The following SOCS2 variants were observed in gnomAD, a reference collection of about 807,000 sequenced individuals.
SOCS2 encodes suppressor of cytokine signaling 2.
A neutral mutation model predicts 18.6 loss-of-function variants in SOCS2; 10 were observed. The ratio of observed to expected loss-of-function variants is 0.54; its 90% CI spans 0.33 to 0.91. The LOEUF (loss-of-function observed/expected upper bound fraction) is 0.91. Ranked by LOEUF, SOCS2 falls within the 40% of genes least tolerant of loss-of-function variation. The pLI, the probability that SOCS2 is intolerant of heterozygous loss-of-function variation, is 0.02. For missense variants in SOCS2, 231 were observed against 247.2 expected, an observed-to-expected ratio of 0.93 and a Z score of 0.44; for synonymous variants, 104 against 104.0, an observed-to-expected ratio of 1.00 and a Z score of 0.00.
intron 1 of SOCS2, chr12:93,573,748 G>C (rs1279935577): frequency 6.6e-6 from 1 of 152,272 alleles, no homozygotes; most frequent in Non-Finnish European, 1.5e-5. Context: ...TAGCAACAGG[G>C]GGAGGGAGAG....
At chr12:93,614,484 C>CTTCCTTCCTTTCTTTCTTTCT in the SOCS2 span, among the ~76,000 whole-genome samples, 1 of 23,792 alleles carries the variant, frequency 4.2e-5, no homozygotes, top group African/African-American at 2.5e-4. Context: ...CCTTCCTTTC[C>CTTCCTTCCTTTCTTTCTTTCT]TTCCTTCCTT....
the SOCS2 span, among the ~76,000 whole-genome samples, chr12:93,608,614 T>G: frequency 6.6e-6 from 1 of 152,210 alleles, no homozygotes; most frequent in African/African-American, 2.4e-5. Context: ...TAGAACATGA[T>G]GTAAGCACTA....
At chr12:93,590,028 C>T in the SOCS2 span, among the ~76,000 whole-genome samples, 3 of 151,996 alleles carry the variant, frequency 2.0e-5, no homozygotes, top group Middle Eastern at 3.4e-3. Context: ...CCAAGGTGAG[C>T]GGATCATGAG....
chr12:93,604,034 T>G, the SOCS2 span, among the ~76,000 whole-genome samples: 1 of 152,304 alleles, frequency 6.6e-6, no homozygotes, highest in Non-Finnish European at 1.5e-5. Flanking sequence ...AACACCCACA[T>G]GGAGGCAACA....
the SOCS2 span, among the ~76,000 whole-genome samples, chr12:93,597,800 C>T: frequency 6.6e-6 from 1 of 152,126 alleles, no homozygotes; most frequent in Admixed American, 6.5e-5. Context: ...CTTTTTGACC[C>T]TACTGACCTC....
the SOCS2 span, among the ~76,000 whole-genome samples, chr12:93,609,150 G>A: frequency 3.3e-5 from 5 of 152,186 alleles, no homozygotes; most frequent in East Asian, 7.7e-4. Context: ...CCAGCACTTC[G>A]GGAGGCCGAG....
chr12:93,614,598 T>C, the SOCS2 span, among the ~76,000 whole-genome samples: 7 of 119,692 alleles, frequency 5.8e-5, no homozygotes, highest in African/African-American at 2.2e-4. Flanking sequence ...TTTCTTTCTT[T>C]CTTTCTTTCT....
At chr12:93,609,689 G>A in the SOCS2 span, among the ~76,000 whole-genome samples, 1 of 152,118 alleles carries the variant, frequency 6.6e-6, no homozygotes, top group Non-Finnish European at 1.5e-5. Context: ...AGTAAATATT[G>A]GTTTACTTAA....
chr12:93,580,397 G>A (rs1039196774), downstream of SOCS2, among the ~76,000 whole-genome samples: 4 of 152,020 alleles, frequency 2.6e-5, no homozygotes, highest in Admixed American at 1.3e-4. Context: ...CAAGGTGGAC[G>A]GATCACTTGA....
chr12:93,622,262 T>C, the SOCS2 span, among the ~76,000 whole-genome samples: 2 of 152,240 alleles, frequency 1.3e-5, no homozygotes, highest in Non-Finnish European at 2.9e-5. Flanking sequence ...GTGGGGATGA[T>C]GTCAGTGGTG....
the SOCS2 span, among the ~76,000 whole-genome samples, chr12:93,605,829 C>T: frequency 6.6e-6 from 1 of 152,220 alleles, no homozygotes; most frequent in African/African-American, 2.4e-5. Flanking sequence ...TTCATAACCT[C>T]CACCATCATC....
At chr12:93,581,257 G>A (rs898584444), downstream of SOCS2, among the ~76,000 whole-genome samples, 27 of 152,102 alleles carry the variant, frequency 1.8e-4, no homozygotes, top group Admixed American at 7.2e-4. Context: ...AAGACTCTCC[G>A]CCACCAGATA....
the SOCS2 span, among the ~76,000 whole-genome samples, chr12:93,605,268 C>T: frequency 6.6e-6 from 1 of 152,154 alleles, no homozygotes; most frequent in Admixed American, 6.5e-5. Context: ...GAGTGTTACA[C>T]ACACTATATA....
At chr12:93,576,935 C>T (rs1201014217), downstream of SOCS2, among the ~76,000 whole-genome samples, 1 of 152,224 alleles carries the variant, frequency 6.6e-6, no homozygotes, top group Non-Finnish European at 1.5e-5. Flanking sequence ...GGGCCATAAC[C>T]ATTTGATGAG....
chr12:93,601,460 C>T, the SOCS2 span, among the ~76,000 whole-genome samples: 130 of 151,868 alleles, frequency 8.6e-4, 1 homozygote, highest in African/African-American at 3.0e-3. Context: ...GACTGGGTTT[C>T]ATCATGTTGG....
downstream of SOCS2, among the ~76,000 whole-genome samples, chr12:93,584,613 A>G (rs1276835398): frequency 6.6e-6 from 1 of 152,184 alleles, no homozygotes; most frequent in African/African-American, 2.4e-5. Context: ...CATGTGGTTA[A>G]TACTAAGAGG....
chr12:93,592,917 CTTTTTTTTTTTT>C, the SOCS2 span, among the ~76,000 whole-genome samples: 1 of 107,388 alleles, frequency 9.3e-6, no homozygotes, highest in African/African-American at 3.6e-5. Context: ...ACTGAGAAAG[CTTTTTTTTTTTT>C]TTTTTTTTTG....
chr12:93,594,663 T>C, the SOCS2 span, among the ~76,000 whole-genome samples: 3 of 152,168 alleles, frequency 2.0e-5, no homozygotes, highest in African/African-American at 2.4e-5. Context: ...AATTTATTTA[T>C]TGTAGAGAAC....
the SOCS2 span, among the ~76,000 whole-genome samples, chr12:93,614,480 T>TTCCTTCCC: frequency 1.0e-3 from 27 of 26,144 alleles, 1 homozygote; most frequent in Admixed American, 3.5e-3. Context: ...CCTTCCTTCC[T>TTCCTTCCC]TTCCTTCCTT....
Sources: allele counts gnomAD v4.1 joint callset (sites outside exome capture counted in the v4.1 genomes callset), GRCh38; gene constraint gnomAD v4.1.1; transcripts MANE v1.5; gene names NCBI Gene and HGNC (gene_info 2026-07-23, HGNC 2026-07-21).